Variants in RNF17 observed in about 807,000 individuals in gnomAD.
RNF17 encodes the protein ring finger protein 17.
RNF17 carries 31 observed loss-of-function variants against 200.5 expected under a neutral mutation model. The ratio of observed to expected loss-of-function variants is 0.15; its 90% confidence interval spans 0.12 to 0.21. The LOEUF (loss-of-function observed/expected upper bound fraction) is 0.21. RNF17 is among the 10% of genes least tolerant of loss of function. The pLI is 1.00. For synonymous variants in RNF17, 606 were observed against 637.8 expected, an observed-to-expected ratio of 0.95 and a Z score of 0.75; for missense variants, 1,628 against 1,905.1, an observed-to-expected ratio of 0.85 and a Z score of 2.71.
At chr13:24,749,727 T>C in the RNF17 span, among the ~76,000 whole-genome samples, 1 of 152,054 alleles carries the variant, frequency 6.6e-6, no homozygotes, top group Non-Finnish European at 1.5e-5. Flanking sequence ...CAGTTTGTTA[T>C]TAATTGCTCT....
intron 15 of RNF17, among the ~76,000 whole-genome samples, chr13:24,815,927 C>T (rs1036366669): frequency 6.6e-5 from 10 of 152,266 alleles, no homozygotes; most frequent in African/African-American, 2.4e-4. Flanking sequence ...CAGGGTCTCC[C>T]TCAGTTGCCC....
chr13:24,831,725 A>G (rs1235247109), intron 17 of RNF17, 133 bp from the exon 18 acceptor site: 1 of 772,964 alleles, frequency 1.3e-6, no homozygotes, highest in Non-Finnish European at 2.1e-6. Context: ...ACCTTCACAC[A>G]TTATTTGATT....
At chr13:24,820,469 T>C (rs1887919955) in intron 15 of RNF17, among the ~76,000 whole-genome samples, 1 of 148,006 alleles carries the variant, frequency 6.8e-6, no homozygotes, top group South Asian at 2.1e-4. Flanking sequence ...GGAGTTTTGC[T>C]CTGTCACCCA....
intron 15 of RNF17, among the ~76,000 whole-genome samples, chr13:24,808,950 T>A (rs61949266): frequency 0.42 from 61,044 of 147,062 alleles, 12,665 homozygotes; most frequent in Admixed American, 0.45. Context: ...ATTACATTTA[T>A]TGATTTGCAT....
At chr13:24,884,312 T>G (rs1953946075), downstream of RNF17, 1 of 1,614,058 alleles carries the variant, frequency 6.2e-7, no homozygotes, top group African/African-American at 1.3e-5. Flanking sequence ...AGAACACCTC[T>G]GGAAACATAC....
chr13:24,784,546 C>G (rs916667000), intron 6 of RNF17, among the ~76,000 whole-genome samples: 3 of 151,988 alleles, frequency 2.0e-5, no homozygotes, highest in African/African-American at 7.3e-5. Context: ...TTTTTTAATA[C>G]TTTTATGAGT....
At chr13:24,853,676 CTCA>C (rs1159346762) in intron 24 of RNF17, among the ~76,000 whole-genome samples, 176 bp from the exon 25 acceptor site, 1 of 152,122 alleles carries the variant, frequency 6.6e-6, no homozygotes, top group African/African-American at 2.4e-5. Flanking sequence ...ATTGCTTTTT[CTCA>C]TCAGTCTCAT....
At chr13:24,827,760 G>A (rs2137990689) in intron 16 of RNF17, among the ~76,000 whole-genome samples, 1 of 144,924 alleles carries the variant, frequency 6.9e-6, no homozygotes, top group Non-Finnish European at 1.5e-5. Flanking sequence ...CGGTTCTAGA[G>A]TCTAAAAAAG....
At chr13:24,756,600 T>C in the RNF17 span, among the ~76,000 whole-genome samples, 1 of 152,112 alleles carries the variant, frequency 6.6e-6, no homozygotes. Context: ...TGGGCATAAA[T>C]CAAACCACTC....
chr13:24,803,620 G>A (rs561245624), intron 14 of RNF17: 15 of 152,360 alleles, frequency 9.8e-5, no homozygotes, highest in Admixed American at 7.2e-4. Context: ...AACCATAGAG[G>A]TAGTCAAAGA....
At chr13:24,878,815 C>T (rs530346168) in intron 34 of RNF17, among the ~76,000 whole-genome samples, 10 of 151,762 alleles carry the variant, frequency 6.6e-5, no homozygotes, top group African/African-American at 2.4e-4. Context: ...CCTAGAAATG[C>T]TTCACCAGCC....
chr13:24,750,257 T>C, the RNF17 span, among the ~76,000 whole-genome samples: 13 of 152,360 alleles, frequency 8.5e-5, no homozygotes, highest in African/African-American at 2.9e-4. Context: ...TTCTTTAACA[T>C]TCCTTTTTGT....
chr13:24,825,700 C>T lies in RNF17; in HGVS notation c.2173C>T (p.Leu725Phe), dbSNP rs144431201. 1.2e-6 allele frequency: 2 copies of T among 1,613,110 alleles called. No homozygotes were observed. The highest frequency in any genetic ancestry group is 1.1e-5 in the South Asian group (1 of 91,038). Residue 725 changes from leucine to phenylalanine, a missense_variant, in exon 16 of 36, where the codon CTC becomes TTC. Coordinates refer to ENST00000255324, the MANE Select transcript of RNF17 (RefSeq NM_031277.3). ...KSEDGENLEI[L>F]CPVQDQACVA... The stretch of plus-strand genomic sequence containing the variant: ...TGAAGATGGAGAAAATCTGGAAATC[C>T]TCTGTCCAGTTCAAGATCAAGCCTG...
rs146427965 is a variant in RNF17, at chr13:24,829,548, A to G, written c.2246-936A>G. On this transcript the variant is annotated intron_variant, in intron 16 of 35. Transcript: ENST00000255324. The stretch of plus-strand genomic sequence containing the variant: ...CTTTATAATAACACTTATCTTCTCA[A>G]TTATCATGGATATCTCCTACCATAG... Among the ~76,000 whole-genome samples the G allele has an allele frequency of 1.1e-3, 160 of 152,238 alleles. 1 individual carries two copies. Among genetic ancestry groups the G allele is most frequent in the African/African-American group, 3.3e-3 (137 of 41,552 alleles).
rs577185777 is a variant in RNF17, at chr13:24,772,642, G to A, written c.226-2171G>A. Among the ~76,000 whole-genome samples the A allele has an allele frequency of 2.6e-3, 389 of 148,462 alleles. 5 individuals carry two copies. Among genetic ancestry groups the A allele is most frequent in the African/African-American group, 9.4e-3 (378 of 40,156 alleles). The stretch of plus-strand genomic sequence containing the variant: ...TTTTTTCTTTTGAGACAAGAGTTTC[G>A]CTCTGTCACCCAGGCTAGAGTGCAG... On this transcript the variant is annotated intron_variant, in intron 2 of 35. Coordinates refer to ENST00000255324, the MANE Select transcript of RNF17 (RefSeq NM_031277.3).
intron 32 of RNF17, among the ~76,000 whole-genome samples, chr13:24,872,499 T>C (rs2138428767): frequency 6.6e-6 from 1 of 151,084 alleles, no homozygotes; most frequent in East Asian, 1.9e-4. Flanking sequence ...TACTAATTTT[T>C]CCACCGTTTA....
At chr13:24,885,469 G>A in the RNF17 span, 1 of 1,198,684 alleles carries the variant, frequency 8.3e-7, no homozygotes, top group Non-Finnish European at 1.2e-6. Context: ...TAGGACTAGT[G>A]TTTACAAAAT....
chr13:24,884,769 A>G (rs1953963586), downstream of RNF17, among the ~76,000 whole-genome samples: 1 of 152,204 alleles, frequency 6.6e-6, no homozygotes, highest in Non-Finnish European at 1.5e-5. Flanking sequence ...TCCTTCTCTC[A>G]TTCCTCAAGG....
intron 19 of RNF17, among the ~76,000 whole-genome samples, chr13:24,843,191 G>T (rs1260883171): frequency 6.6e-6 from 1 of 152,076 alleles, no homozygotes; most frequent in African/African-American, 2.4e-5. Context: ...TCTCAAATGA[G>T]AGCGGAAAAG....
Sources: allele counts gnomAD v4.1 joint callset (sites outside exome capture counted in the v4.1 genomes callset), GRCh38; gene constraint gnomAD v4.1.1; transcripts MANE v1.5; gene names NCBI Gene and HGNC (gene_info 2026-07-23, HGNC 2026-07-21).